LIFR: variants seen among roughly 807,000 people sequenced by gnomAD.
LIFR encodes the protein LIF receptor subunit alpha.
A neutral mutation model predicts 122.2 loss-of-function variants in LIFR; 84 were observed. That is an observed-to-expected ratio of 0.69 (90% confidence interval 0.58 to 0.82). The LOEUF is 0.82. LIFR is among the 40% of genes least tolerant of loss of function. The pLI is 0.00. For synonymous variants in LIFR, 422 were observed against 434.7 expected, an observed-to-expected ratio of 0.97 and a Z score of 0.36; for missense variants, 1,294 against 1,311.6, an observed-to-expected ratio of 0.99 and a Z score of 0.21.
chr5:38,545,368 G>GTA (rs1747822120), intron 1 of LIFR, among the ~76,000 whole-genome samples: 1 of 150,092 alleles, frequency 6.7e-6, no homozygotes, highest in Non-Finnish European at 1.5e-5. Context: ...GTGTGTGTAT[G>GTA]TGTGTGTGTG....
At chr5:38,485,786 T>C (rs755570944) in intron 17 of LIFR, 33 bp downstream of exon 17, 6 of 1,612,730 alleles carry the variant, frequency 3.7e-6, no homozygotes, top group Admixed American at 1.7e-5. Context: ...GCATGCAGGA[T>C]GGAAAGCACC....
At chr5:38,485,050 A>G (rs887935301) in intron 17 of LIFR, among the ~76,000 whole-genome samples, 182 bp from the exon 18 acceptor site, 2 of 152,214 alleles carry the variant, frequency 1.3e-5, no homozygotes, top group African/African-American at 4.8e-5. Flanking sequence ...TTTTATACAA[A>G]TACTTAAACT....
At chr5:38,542,181 C>T (rs1747625388) in intron 1 of LIFR, among the ~76,000 whole-genome samples, 1 of 152,196 alleles carries the variant, frequency 6.6e-6, no homozygotes, top group African/African-American at 2.4e-5. Context: ...TAAATCCCAT[C>T]TCACCATAAG....
intron 1 of LIFR, among the ~76,000 whole-genome samples, chr5:38,539,640 A>T (rs1318169035): frequency 6.6e-6 from 1 of 152,198 alleles, no homozygotes; most frequent in African/African-American, 2.4e-5. Flanking sequence ...ATTAATAAAA[A>T]GAATACTGGC....
chr5:38,552,588 T>C (rs1043771728), intron 1 of LIFR, among the ~76,000 whole-genome samples: 1 of 152,186 alleles, frequency 6.6e-6, no homozygotes, highest in Non-Finnish European at 1.5e-5. Context: ...AAATAAAAGA[T>C]AAAAATGCTC....
chr5:38,482,549 C>A, intron 19 of LIFR, 40 bp downstream of exon 19: 1 of 1,032,762 alleles, frequency 9.7e-7, no homozygotes, highest in South Asian at 1.5e-5. Flanking sequence ...AAAAAAGAAG[C>A]CAGCACATCA....
Position 38,523,451 on chromosome 5 carries a change from G to A in LIFR, c.529C>T (p.Leu177=), listed in dbSNP as rs777331820. The change falls in exon 5 of 20, where the codon CTA becomes TTA. Residue 177 remains leucine (L), a synonymous_variant. Coordinates refer to ENST00000453190, the MANE Select transcript of LIFR (RefSeq NM_001127671.2). ...RSNVIWEIKV[L]RKESMELVKL... ...ACGAGCTCCATACTCTCTTTACGTA[G>A]AACTTTAATTTCCCAGATAACATTT... The A allele has an allele frequency of 3.1e-6, 5 of 1,612,868 alleles. No individual in the cohort carries two copies. The African/African-American group carries it at 6.7e-5, about 22-fold the overall frequency.
chr5:38,553,481 T>C (rs952714611), intron 1 of LIFR, among the ~76,000 whole-genome samples: 1 of 151,278 alleles, frequency 6.6e-6, no homozygotes, highest in Non-Finnish European at 1.5e-5. Flanking sequence ...CCCTAGAAAG[T>C]TGTCTGGAAT....
At chr5:38,584,000 G>A (rs1002418543) in intron 1 of LIFR, among the ~76,000 whole-genome samples, 1 of 151,896 alleles carries the variant, frequency 6.6e-6, no homozygotes, top group African/African-American at 2.4e-5. Context: ...ATGTGGAACT[G>A]TGAGTCCATT....
At position 38,586,751 on chromosome 5, in the gene LIFR, C is replaced by T. The variant is rs567043740; in HGVS notation, c.-20+8510G>A. On this transcript the variant is annotated intron_variant, in intron 1 of 19. Transcript: ENST00000263409. ...TGCAAACACACAATTATACTAGATC[C>T]ATCACATCAAAGCCATTTTCTGTGT... Among the ~76,000 whole-genome samples the T allele has an allele frequency of 1.4e-3, 208 of 152,160 alleles. 1 individual carries two copies. The highest frequency in any genetic ancestry group is 2.5e-3 in the Non-Finnish European group (168 of 68,006).
At chr5:38,498,722 T>C (rs1401855008) in intron 12 of LIFR, among the ~76,000 whole-genome samples, 1 of 152,178 alleles carries the variant, frequency 6.6e-6, no homozygotes. Context: ...GTTGCTATAT[T>C]ATCATGAAAT....
intron 14 of LIFR, 152 bp downstream of exon 14, chr5:38,493,454 T>C (rs1744705556): frequency 1.4e-6 from 1 of 707,696 alleles, no homozygotes; most frequent in Non-Finnish European, 2.5e-6. Flanking sequence ...TTTGGATCCT[T>C]CCATGTGCTG....
intron 1 of LIFR, among the ~76,000 whole-genome samples, chr5:38,531,386 A>C (rs988958451): frequency 6.6e-6 from 1 of 152,190 alleles, no homozygotes; most frequent in Non-Finnish European, 1.5e-5. Context: ...ACATATAAGC[A>C]AAGGCTAAAA....
Position 38,510,939 on chromosome 5 carries a change from T to C in LIFR, c.737-221A>G, listed in dbSNP as rs150646110. On this transcript the variant is annotated intron_variant, in intron 6 of 19. Transcript: ENST00000453190. ...ATACGATAAATTTTTTAAAAGTGTA[T>C]GTGGTTTTATTTACTTATGAAGGGA... Among the ~76,000 whole-genome samples, 938 of 149,194 alleles carry C rather than the reference T, an allele frequency of 6.3e-3. 17 individuals are homozygous for C. Among genetic ancestry groups the C allele is most frequent in the Admixed American group, 0.034 (505 of 15,066 alleles).
At chr5:38,553,526 A>C (rs34864817) in intron 1 of LIFR, among the ~76,000 whole-genome samples, 57,482 of 148,642 alleles carry the variant, frequency 0.39, 11,397 homozygotes, top group East Asian at 0.68. Context: ...TATTTCAGAA[A>C]AAATACAGAC....
chr5:38,600,546 C>T (rs1299013411), intron 2 of LIFR, among the ~76,000 whole-genome samples: 1 of 152,220 alleles, frequency 6.6e-6, no homozygotes, highest in Non-Finnish European at 1.5e-5. Context: ...TCCGCAATCT[C>T]TGTAGCAATC....
chr5:38,496,285 A>G, intron 13 of LIFR, 97 bp downstream of exon 13: 1 of 962,874 alleles, frequency 1.0e-6, no homozygotes, highest in South Asian at 1.3e-5. Context: ...AACAAGGTAT[A>G]CGAGAAGAAG....
At chr5:38,557,426 A>G (rs754977259), upstream of LIFR, 26 of 154,782 alleles carry the variant, frequency 1.7e-4, no homozygotes, top group Admixed American at 2.6e-4. Context: ...GCGCAGAATC[A>G]CGGTCTGAAG....
rs761024368 is a variant in LIFR at position 38,523,574 on chromosome 5, G to C, written c.406C>G (p.Pro136Ala). The C allele has an allele frequency of 2.9e-5, 46 of 1,612,006 alleles. No individual in the cohort carries two copies. The highest frequency in any genetic ancestry group is 3.8e-5 in the Non-Finnish European group (45 of 1,178,440). Residue 136 changes from proline (P) to alanine (A), a missense_variant, in exon 5 of 20, where the codon CCA becomes GCA. Transcript: ENST00000453190. The part of the protein sequence containing the change: ...TLNEQNVSLI[P>A]DTPEILNLSA... Reference sequence around the variant, plus strand: ...AAATTCAAGATCTCTGGAGTATCTGGAATTAAGGCTTTAAAAAGAGGAAAC... The same window carrying C: ...AAATTCAAGATCTCTGGAGTATCTGCAATTAAGGCTTTAAAAAGAGGAAAC...
Sources: allele counts gnomAD v4.1 joint callset (sites outside exome capture counted in the v4.1 genomes callset), GRCh38; gene constraint gnomAD v4.1.1; transcripts MANE v1.5; gene names NCBI Gene and HGNC (gene_info 2026-07-23, HGNC 2026-07-21).